NUTM2G: variants seen among roughly 807,000 people sequenced by gnomAD.
NUTM2G encodes the protein NUT family member 2G.
NUTM2G carries 29 observed loss-of-function variants against 44.3 expected under a neutral mutation model. The observed-to-expected ratio is 0.66, with a 90% CI of 0.49 to 0.89. The LOEUF (loss-of-function observed/expected upper bound fraction) is 0.89. Among genes scored for constraint, NUTM2G ranks in the 40% least tolerant of loss-of-function variants. The pLI, the probability that NUTM2G is intolerant of heterozygous loss-of-function variation, is 0.00. For missense variants in NUTM2G, 502 were observed against 946.5 expected, an observed-to-expected ratio of 0.53 and a Z score of 6.16; for synonymous variants, 205 against 395.9, an observed-to-expected ratio of 0.52 and a Z score of 5.72.
At chr9:96,931,032 T>C (rs1367747666) in intron 1 of NUTM2G, among the ~76,000 whole-genome samples, 5 of 151,730 alleles carry the variant, frequency 3.3e-5, no homozygotes, top group Admixed American at 2.0e-4. Context: ...GTAGCTGCGA[T>C]TACAGGCACG....
At chr9:96,932,970 T>C (rs1202994924) in intron 2 of NUTM2G, among the ~76,000 whole-genome samples, 4 of 148,794 alleles carry the variant, frequency 2.7e-5, no homozygotes, top group Non-Finnish European at 5.9e-5. Flanking sequence ...TTTCTTTTCT[T>C]TTCTTTTCTT....
intron 2 of NUTM2G, among the ~76,000 whole-genome samples, chr9:96,934,700 C>T (rs1003600073): frequency 3.3e-5 from 5 of 151,166 alleles, no homozygotes; most frequent in African/African-American, 7.3e-5. Flanking sequence ...CTTTAACCCT[C>T]GCTCCCAGGT....
At position 96,937,885 on chromosome 9, in the gene NUTM2G, G is replaced by A. The variant is rs774529472; in HGVS notation, c.1324G>A (p.Val442Met). The change falls in exon 6 of 7, where the codon GTG (valine) becomes ATG (methionine). Residue 442 changes from valine to methionine, a missense_variant and splice_region_variant. Coordinates refer to ENST00000372322, the MANE Select transcript of NUTM2G (RefSeq NM_001170741.3). Reference sequence around the variant, plus strand: ...CACACCTTCTTCCTTCTGTTTCCAGGTGGAGGCCGTCATTCACCCCCGATT... The same window carrying A: ...CACACCTTCTTCCTTCTGTTTCCAGATGGAGGCCGTCATTCACCCCCGATT... ...LCSQEDFVTK[V>M]EAVIHPRFLE... The A allele has an allele frequency of 1.4e-5, 23 of 1,610,096 alleles. No individual in the cohort carries two copies. The highest frequency in any genetic ancestry group is 1.8e-5 in the Non-Finnish European group (21 of 1,178,354).
intron 3 of NUTM2G, 104 bp downstream of exon 3, chr9:96,935,560 G>A: frequency 1.9e-6 from 3 of 1,606,126 alleles, no homozygotes; most frequent in Non-Finnish European, 2.6e-6. Context: ...TGAGGAGGGT[G>A]TGGACAAACA....
chr9:96,935,033 G>A (rs1285177095), intron 2 of NUTM2G, among the ~76,000 whole-genome samples: 1 of 152,230 alleles, frequency 6.6e-6, no homozygotes, highest in East Asian at 1.9e-4. Context: ...CTGGCACTGA[G>A]GGCTTCAACA....
At chr9:96,929,156 A>C in intron 1 of NUTM2G, 116 bp downstream of exon 1, 1 of 1,562,400 alleles carries the variant, frequency 6.4e-7, no homozygotes, top group Non-Finnish European at 8.8e-7. Flanking sequence ...GGAGCACTGG[A>C]TGTCCCCAAG....
chr9:96,937,250 T>C lies in NUTM2G; in HGVS notation c.1169T>C (p.Leu390Pro), dbSNP rs767414269. ...GAGTATGTGGACATCATGGAGGAGC[T>C]GCTGGGGTCTCACCCTGGGGACACA... is the stretch of plus-strand genomic sequence containing the variant. ...VQEYVDIMEE[L>P]LGSHPGDTGE... Residue 390 changes from leucine (L) to proline (P), a missense_variant, in exon 5 of 7, where the codon CTG becomes CCG. Transcript: ENST00000372322. 6.2e-7 allele frequency: 1 copy of C among 1,613,388 alleles called. No homozygotes were observed. Among genetic ancestry groups the C allele is most frequent in the South Asian group, 1.1e-5 (1 of 91,040 alleles).
rs1168888338 is a variant in NUTM2G at position 96,930,872 on chromosome 9, G to GTTTTTTTTTTTTTT, written c.17-823_17-810dup. 1.1e-4 allele frequency among the ~76,000 whole-genome samples: 8 copies of GTTTTTTTTTTTTTT among 72,726 alleles called. 2 individuals are homozygous for GTTTTTTTTTTTTTT. Among genetic ancestry groups the GTTTTTTTTTTTTTT allele is most frequent in the Admixed American group, 6.1e-4 (3 of 4,922 alleles). The allele number at this position is 72,726 out of a possible 152,430, so 47.7% of individuals were successfully genotyped here. A position where few individuals can be genotyped will look rare whatever the true frequency, so the allele number is the denominator to read the frequency against. ...GGCTTGGGCGAGTTTCCATCCAGTGGTTTTTTTTTTTTTTTTTTTTTTTTT... is the reference window on the plus strand; with the variant it reads ...GGCTTGGGCGAGTTTCCATCCAGTGGTTTTTTTTTTTTTTTTTTTTTTTTTTTTTTTTTTTTTTT... On this transcript the variant is annotated intron_variant, in intron 1 of 6. Coordinates refer to ENST00000372322, the MANE Select transcript of NUTM2G (RefSeq NM_001170741.3).
At chr9:96,929,662 CAG>C (rs754533435) in intron 1 of NUTM2G, among the ~76,000 whole-genome samples, 133 of 150,672 alleles carry the variant, frequency 8.8e-4, no homozygotes, top group Non-Finnish European at 1.7e-3. Flanking sequence ...TTTGATTTAA[CAG>C]GGGTGGGGGC....
rs764853811 is a variant in NUTM2G at position 96,937,143 on chromosome 9, C to G, written c.1062C>G (p.Thr354=). 30 of 1,611,900 alleles carry G rather than the reference C, an allele frequency of 1.9e-5. No individual in the cohort carries two copies. In the South Asian group the frequency reaches 3.2e-4, roughly 17 times the overall value. ...PPPRPQRPAE[T]KAHLPPPRPP... is the part of the protein sequence containing the mutation. ...CCAGGCCCCAGAGGCCAGCGGAGAC[C>G]AAGGCCCACCTGCCACCACCCAGGC... Residue 354 remains threonine (T), a synonymous_variant, in exon 5 of 7, where the codon ACC becomes ACG. Transcript: ENST00000372322.
intron 1 of NUTM2G, among the ~76,000 whole-genome samples, chr9:96,930,891 T>G (rs1270976793): frequency 3.7e-5 from 3 of 81,024 alleles, no homozygotes; most frequent in Admixed American, 1.1e-4. Context: ...TTTTTTTTTT[T>G]TTTTTTTTTT....
At chr9:96,940,841 A>G (rs1417314599), downstream of NUTM2G, among the ~76,000 whole-genome samples, 1 of 152,262 alleles carries the variant, frequency 6.6e-6, no homozygotes, top group Non-Finnish European at 1.5e-5. Context: ...TCTCTGCCCC[A>G]TCCCTTCTGC....
In NUTM2G at chr9:96,937,119, C is replaced by G. The variant is rs572799896; in HGVS notation, c.1038C>G (p.Pro346=). ...CCCCGACTGCCTGCCTGCCACCACC[C>G]AGGCCCCAGAGGCCAGCGGAGACCA... The part of the protein sequence containing the change: ...PKAPTACLPP[P]RPQRPAETKA... Residue 346 remains proline, a synonymous_variant, in exon 5 of 7, where the codon CCC becomes CCG. Transcript: ENST00000372322. The G allele has an allele frequency of 1.9e-4, 311 of 1,611,762 alleles. 3 individuals carry two copies. The East Asian group carries it at 6.6e-3, about 34-fold the overall frequency.
intron 1 of NUTM2G, among the ~76,000 whole-genome samples, chr9:96,930,619 G>C (rs1345971935): frequency 6.7e-6 from 1 of 149,312 alleles, no homozygotes; most frequent in African/African-American, 2.5e-5. Flanking sequence ...GTCATGTGCA[G>C]CTGTTGCTGG....
At chr9:96,933,918 AG>A (rs1185635129) in intron 2 of NUTM2G, 1 of 152,218 alleles carries the variant, frequency 6.6e-6, no homozygotes, top group East Asian at 1.9e-4. Flanking sequence ...AATCCCCCCT[AG>A]AAAAAAGGAC....
In NUTM2G at chr9:96,935,392, G is replaced by A. The variant is rs566397855; in HGVS notation, c.778G>A (p.Ala260Thr). 2 of 1,612,082 alleles carry A rather than the reference G, an allele frequency of 1.2e-6. No individual in the cohort carries two copies. Among genetic ancestry groups the A allele is most frequent in the African/African-American group, 1.3e-5 (1 of 74,996 alleles). ...GACGCTGGAGGAGGGACTGTGGCGG[G>A]CCATGCGGGAATGGCAGCACACGAG... ...TMTLEEGLWRAMREWQHTSNF... is the reference protein window; with the variant it reads ...TMTLEEGLWRTMREWQHTSNF... Residue 260 changes from alanine to threonine, a missense_variant, in exon 3 of 7, where the codon GCC (alanine) becomes ACC (threonine). By Grantham distance (58) the Ala-to-Thr change is moderately conservative. Coordinates refer to ENST00000372322, the MANE Select transcript of NUTM2G (RefSeq NM_001170741.3).
chr9:96,937,124 C>A lies in NUTM2G; in HGVS notation c.1043C>A (p.Pro348His), dbSNP rs1163086751. Residue 348 changes from proline (P) to histidine (H), a missense_variant, in exon 5 of 7, where the codon CCC becomes CAC. Physicochemically the swap from Pro to His is moderately conservative, Grantham distance 77. Coordinates refer to ENST00000372322, the MANE Select transcript of NUTM2G (RefSeq NM_001170741.3). ...ACTGCCTGCCTGCCACCACCCAGGCCCCAGAGGCCAGCGGAGACCAAGGCC... is the reference window on the plus strand; with the variant it reads ...ACTGCCTGCCTGCCACCACCCAGGCACCAGAGGCCAGCGGAGACCAAGGCC... ...APTACLPPPRPQRPAETKAHL... is the reference protein window; with the variant it reads ...APTACLPPPRHQRPAETKAHL... 1 of 1,611,692 alleles carries A rather than the reference C, an allele frequency of 6.2e-7. No homozygotes were observed.
Position 96,935,497 on chromosome 9 carries a change from T to C in NUTM2G, c.842+41T>C, listed in dbSNP as rs780834824. On this transcript the variant is annotated intron_variant, in intron 3 of 6. Transcript: ENST00000372322. ...TGGGGGCAGGGCCCGTGTGGCGGGG[T>C]GAGAGTGAATGACAGAGGCCCGGTG... 2.2e-5 allele frequency: 35 copies of C among 1,609,662 alleles called. No homozygotes were observed. The African/African-American group carries it at 4.6e-4, about 21-fold the overall frequency.
intron 1 of NUTM2G, among the ~76,000 whole-genome samples, chr9:96,930,352 C>T (rs112880567): frequency 0.062 from 9,491 of 152,044 alleles, 975 homozygotes; most frequent in African/African-American, 0.21. Context: ...GGTGAAACCC[C>T]GTCTCTACTA....
Sources: gnomAD v4.1 joint callset for allele counts (sites outside exome capture counted in the v4.1 genomes callset) on GRCh38, gnomAD v4.1.1 for gene constraint, MANE v1.5 for transcripts, NCBI Gene and HGNC (gene_info 2026-07-23, HGNC 2026-07-21) for gene names.